TRMT61B: variants seen among roughly 807,000 people sequenced by gnomAD.
The protein encoded by TRMT61B is tRNA methyltransferase 61B, also known as tRNA (adenine(58)-N(1))-methyltransferase, mitochondrial.
TRMT61B carries 56 observed loss-of-function variants against 52.0 expected under a neutral mutation model. The observed-to-expected ratio is 1.08, with a 90% confidence interval of 0.87 to 1.35. TRMT61B has a LOEUF of 1.35. Among genes scored for constraint, TRMT61B ranks in the 40% most tolerant of loss-of-function variants. The pLI, the probability that TRMT61B is intolerant of heterozygous loss-of-function variation, is 0.00. For missense variants in TRMT61B, 650 were observed against 577.9 expected, an observed-to-expected ratio of 1.12 and a Z score of -1.28; for synonymous variants, 206 against 220.0, an observed-to-expected ratio of 0.94 and a Z score of 0.56.
chr2:28,851,091 C>T lies in TRMT61B; in HGVS notation c.1293G>A (p.Leu431=), dbSNP rs1669074626. ...SQEKIGVKGE[L]FQEDDHEESH... ...GCTCACCATGGTCATCCTCTTGAAACAGCTCACCTTTAACTCCAATTTTCT... is the reference window on the plus strand; with the variant it reads ...GCTCACCATGGTCATCCTCTTGAAATAGCTCACCTTTAACTCCAATTTTCT... The change falls in exon 5 of 7, where the codon CTG becomes CTA. Residue 431 remains leucine, a synonymous_variant. Transcript: ENST00000306108. The T allele has an allele frequency of 1.2e-6, 2 of 1,606,382 alleles. No homozygotes were observed. Among genetic ancestry groups the T allele is most frequent in the East Asian group, 4.5e-5 (2 of 44,688 alleles).
intron 3 of TRMT61B, among the ~76,000 whole-genome samples, chr2:28,859,179 A>C (rs1364788560): frequency 2.0e-5 from 3 of 152,080 alleles, no homozygotes; most frequent in Non-Finnish European, 4.4e-5. Flanking sequence ...TCCCGGGTTC[A>C]CGCCATTCTC....
At chr2:28,855,329 G>A (rs1669296961) in intron 3 of TRMT61B, among the ~76,000 whole-genome samples, 1 of 152,154 alleles carries the variant, frequency 6.6e-6, no homozygotes, top group Admixed American at 6.5e-5. Flanking sequence ...AATAAACATT[G>A]CCATTTTAAG....
At chr2:28,854,767 A>C (rs1196083591) in intron 3 of TRMT61B, among the ~76,000 whole-genome samples, 1 of 122,140 alleles carries the variant, frequency 8.2e-6, no homozygotes, top group African/African-American at 2.9e-5. Context: ...AAAAAAAAAA[A>C]AAAACTGCCA....
chr2:28,860,412 C>T (rs1669553855), intron 3 of TRMT61B, among the ~76,000 whole-genome samples: 1 of 151,668 alleles, frequency 6.6e-6, no homozygotes, highest in Non-Finnish European at 1.5e-5. Context: ...AGGCCTCAGT[C>T]CATAGTGTGA....
chr2:28,853,170 T>C lies in TRMT61B; in HGVS notation c.994-671A>G, dbSNP rs149309819. On this transcript the variant is annotated intron_variant, in intron 3 of 6. Transcript: ENST00000306108. Reference sequence around the variant, plus strand: ...TGAAAAATTTAAACATTTGAGACAATGTGAATTTCCTTTTTTTTTTTTTGA... The same window carrying C: ...TGAAAAATTTAAACATTTGAGACAACGTGAATTTCCTTTTTTTTTTTTTGA... Among the ~76,000 whole-genome samples the C allele has an allele frequency of 1.7e-3, 265 of 151,816 alleles. 1 individual carries two copies. Among genetic ancestry groups the C allele is most frequent in the Non-Finnish European group, 2.4e-3 (160 of 67,948 alleles).
intron 2 of TRMT61B, among the ~76,000 whole-genome samples, chr2:28,862,863 T>TG (rs1260386670): frequency 1.2e-4 from 11 of 88,656 alleles, no homozygotes; most frequent in Non-Finnish European, 2.5e-4. Flanking sequence ...GGTATTTGTA[T>TG]TTGTGTGTGT....
intron 4 of TRMT61B, 115 bp downstream of exon 4, chr2:28,852,293 A>G (rs1669144473): frequency 2.3e-6 from 1 of 432,026 alleles, no homozygotes; most frequent in African/African-American, 2.8e-5. Flanking sequence ...AACCTGGGTG[A>G]CAGAGTTTTT....
At chr2:28,854,312 C>CA (rs1441109114) in intron 3 of TRMT61B, among the ~76,000 whole-genome samples, 2 of 152,020 alleles carry the variant, frequency 1.3e-5, no homozygotes, top group African/African-American at 2.4e-5. Context: ...TGAAGAAAAA[C>CA]AGTTATAAAG....
Position 28,870,284 on chromosome 2 carries a change from T to TC in TRMT61B, c.-8dup. On this transcript the variant is annotated 5_prime_UTR_variant, in exon 1 of 7. Transcript: ENST00000306108. ...GGCACCATGCCATTAGCATAGTGTT[T>TC]CGCGAAGGCGCCGTCGCAGACGAGT... The TC allele has an allele frequency of 1.9e-6, 3 of 1,540,170 alleles. No homozygotes were observed. The African/African-American group carries it at 4.1e-5, about 21-fold the overall frequency.
chr2:28,864,261 TC>T (rs1359208036), intron 2 of TRMT61B, among the ~76,000 whole-genome samples: 1 of 152,120 alleles, frequency 6.6e-6, no homozygotes, highest in Non-Finnish European at 1.5e-5. Flanking sequence ...CCTTCCATAT[TC>T]CCTCAGGCTA....
intron 1 of TRMT61B, among the ~76,000 whole-genome samples, chr2:28,866,564 C>T (rs1185195904): frequency 1.3e-5 from 2 of 152,116 alleles, no homozygotes; most frequent in African/African-American, 4.8e-5. Context: ...AGATGGAGCT[C>T]AGGCAGTAAT....
rs370500686 is a variant in TRMT61B, at chr2:28,855,970, CAAATAAATAAAT to C, written c.994-3483_994-3472del. ...TGGGCAACAGAGTGAGACTCCATCTCAAATAAATAAATAAATAAATAAATATCCAAGTCAAGA... is the reference window on the plus strand; with the variant it reads ...TGGGCAACAGAGTGAGACTCCATCTCAAATAAATAAATATCCAAGTCAAGA... On this transcript the variant is annotated intron_variant, in intron 3 of 6. Coordinates refer to ENST00000306108, the MANE Select transcript of TRMT61B (RefSeq NM_017910.4). Among the ~76,000 whole-genome samples the C allele has an allele frequency of 1.9e-3, 296 of 151,938 alleles. 2 individuals are homozygous for C. The highest frequency in any genetic ancestry group is 0.016 in the East Asian group (81 of 5,172).
chr2:28,870,118 GCTCT>G lies in TRMT61B; in HGVS notation c.156_159del (p.Arg52SerfsTer20). On this transcript the variant is annotated frameshift_variant, in exon 1 of 7. Transcript: ENST00000306108. LOFTEE classifies it high-confidence loss of function. ...GGGGCTTTCCTTTGTGCCGCCTCGT[GCTCT>G]CTTTCTCCATCTCGCAGGTCTCTAG... The G allele has an allele frequency of 6.2e-7, 1 of 1,614,026 alleles. No individual in the cohort carries two copies. The highest frequency in any genetic ancestry group is 8.5e-7 in the Non-Finnish European group (1 of 1,180,042).
At chr2:28,868,635 G>A (rs1282773850) in intron 1 of TRMT61B, among the ~76,000 whole-genome samples, 1 of 152,206 alleles carries the variant, frequency 6.6e-6, no homozygotes, top group Admixed American at 6.5e-5. Context: ...GAGAAAGGAG[G>A]AGGAGTTGTG....
At chr2:28,853,315 AC>A (rs1669201736) in intron 3 of TRMT61B, among the ~76,000 whole-genome samples, 1 of 151,946 alleles carries the variant, frequency 6.6e-6, no homozygotes, top group Non-Finnish European at 1.5e-5. Flanking sequence ...AGCTGAGACT[AC>A]AGGCAGGCGC....
intron 3 of TRMT61B, 119 bp downstream of exon 3, chr2:28,860,999 A>G: frequency 2.4e-6 from 2 of 818,154 alleles, no homozygotes; most frequent in Non-Finnish European, 3.7e-6. Flanking sequence ...ATATTCTTTC[A>G]ATCCCTAGAG....
At chr2:28,851,875 T>C (rs1231051073) in intron 4 of TRMT61B, among the ~76,000 whole-genome samples, 7 of 79,278 alleles carry the variant, frequency 8.8e-5, no homozygotes, top group Non-Finnish European at 1.5e-4. Flanking sequence ...CGAGACTCTG[T>C]CTCAAAAAAA....
chr2:28,851,077 T>A lies in TRMT61B; in HGVS notation c.1307A>T (p.Asp436Val). 6.3e-7 allele frequency: 1 copy of A among 1,599,390 alleles called. No homozygotes were observed. Among genetic ancestry groups the A allele is most frequent in the Non-Finnish European group, 8.5e-7 (1 of 1,173,458 alleles). The change falls in exon 5 of 7, where the codon GAC becomes GTC. Residue 436 changes from aspartate (D) to valine (V), a missense_variant. Asp to Val is a radical substitution (Grantham distance 152, BLOSUM62 -3). Transcript: ENST00000306108. The stretch of plus-strand genomic sequence containing the variant: ...AAAGTAAAACTGAAGCTCACCATGG[T>A]CATCCTCTTGAAACAGCTCACCTTT... Reference protein sequence around the residue: ...GVKGELFQEDDHEESHSDFPY... With the variant: ...GVKGELFQEDVHEESHSDFPY...
rs772238626 is a variant in TRMT61B at position 28,869,995 on chromosome 2, C to T, written c.283G>A (p.Glu95Lys). Reference protein sequence around the residue: ...LENLRLPTLREESSPRELEDS... With the variant: ...LENLRLPTLRKESSPRELEDS... ...TCGAGCTCTCGAGGGGATGACTCTT[C>T]CCGCAGCGTCGGCAGTCTGAGGTTT... Residue 95 changes from glutamate (E) to lysine (K), a missense_variant, in exon 1 of 7, where the codon GAA becomes AAA. Physicochemically the swap from Glu to Lys is moderately conservative, Grantham distance 56. Coordinates refer to ENST00000306108, the MANE Select transcript of TRMT61B (RefSeq NM_017910.4). 1 of 1,613,656 alleles carries T rather than the reference C, an allele frequency of 6.2e-7. No homozygotes were observed. Among genetic ancestry groups the T allele is most frequent in the South Asian group, 1.1e-5 (1 of 91,056 alleles).
Sources: gnomAD v4.1 joint callset for allele counts (sites outside exome capture counted in the v4.1 genomes callset) on GRCh38, gnomAD v4.1.1 for gene constraint, MANE v1.5 for transcripts, NCBI Gene and HGNC (gene_info 2026-07-23, HGNC 2026-07-21) for gene names.